Variants in ANTXR1 observed in about 807,000 individuals in gnomAD.
ANTXR1 encodes ANTXR cell adhesion molecule 1, also known as anthrax toxin receptor 1.
ANTXR1 carries 19 observed loss-of-function variants against 78.1 expected under a neutral mutation model. That is an observed-to-expected ratio of 0.24 (90% CI 0.17 to 0.36). ANTXR1 has a LOEUF of 0.36. Ranked by LOEUF, ANTXR1 falls within the 10% of genes least tolerant of loss-of-function variation. ANTXR1 has a pLI of 1.00. For synonymous variants in ANTXR1, 273 were observed against 260.5 expected (o/e 1.05, Z -0.46); for missense variants, 518 against 718.6 (o/e 0.72, Z 3.19).
chr2:69,090,551 G>A (rs186170726), intron 8 of ANTXR1: 45 of 423,502 alleles, frequency 1.1e-4, no homozygotes, highest in Non-Finnish European at 1.8e-4. Flanking sequence ...TCCCATTTCC[G>A]CAACCCTATG....
At chr2:69,126,945 T>C (rs1270483933) in intron 12 of ANTXR1, among the ~76,000 whole-genome samples, 1 of 152,206 alleles carries the variant, frequency 6.6e-6, no homozygotes, top group Non-Finnish European at 1.5e-5. Flanking sequence ...GCTGTATTCG[T>C]TTACAACAAA....
chr2:69,093,662 A>C (rs1006471925), intron 9 of ANTXR1, among the ~76,000 whole-genome samples: 2 of 152,250 alleles, frequency 1.3e-5, no homozygotes, highest in African/African-American at 4.8e-5. Flanking sequence ...TAATAAATTT[A>C]AACAAATTAA....
intron 1 of ANTXR1, among the ~76,000 whole-genome samples, chr2:69,028,033 G>T (rs1671402950): frequency 6.6e-6 from 1 of 152,064 alleles, no homozygotes; most frequent in Non-Finnish European, 1.5e-5. Context: ...GCATGTTTAA[G>T]GAATTCTCAT....
At chr2:69,233,493 C>T (rs1207580453) in intron 17 of ANTXR1, among the ~76,000 whole-genome samples, 2 of 151,616 alleles carry the variant, frequency 1.3e-5, no homozygotes, top group African/African-American at 4.8e-5. Context: ...ATCTTGATAT[C>T]AAAAAGATTC....
intron 12 of ANTXR1, among the ~76,000 whole-genome samples, chr2:69,129,063 T>G (rs1672640986): frequency 6.6e-6 from 1 of 152,178 alleles, no homozygotes; most frequent in Admixed American, 6.5e-5. Context: ...ATGGTAAACT[T>G]TGGTGAGCTC....
intron 12 of ANTXR1, among the ~76,000 whole-genome samples, chr2:69,134,033 T>C (rs1390389933): frequency 6.6e-6 from 1 of 152,198 alleles, no homozygotes; most frequent in Non-Finnish European, 1.5e-5. Flanking sequence ...GGTCTCTATA[T>C]GAATTTGTGC....
At chr2:69,115,086 T>C (rs1431962234) in intron 10 of ANTXR1, among the ~76,000 whole-genome samples, 1 of 152,206 alleles carries the variant, frequency 6.6e-6, no homozygotes, top group Non-Finnish European at 1.5e-5. Context: ...TCCTGTGCAT[T>C]GGAGGATGTT....
chr2:69,177,187 C>T (rs1488836074), intron 14 of ANTXR1, among the ~76,000 whole-genome samples: 3 of 152,140 alleles, frequency 2.0e-5, no homozygotes, highest in Non-Finnish European at 1.5e-5. Flanking sequence ...CTGGGGAACC[C>T]GGGAGTTCTT....
intron 1 of ANTXR1, among the ~76,000 whole-genome samples, chr2:69,015,811 A>G (rs973662990): frequency 3.9e-5 from 6 of 152,214 alleles, no homozygotes; most frequent in African/African-American, 1.2e-4. Context: ...TACAATAACT[A>G]TTGCCACATA....
intron 2 of ANTXR1, among the ~76,000 whole-genome samples, chr2:69,041,268 G>A (rs950697255): frequency 6.6e-6 from 1 of 152,202 alleles, no homozygotes; most frequent in Non-Finnish European, 1.5e-5. Context: ...AGGAGGCATT[G>A]TGTAACTCTC....
chr2:69,198,940 CTG>C (rs1674716745), intron 17 of ANTXR1, among the ~76,000 whole-genome samples: 2 of 152,196 alleles, frequency 1.3e-5, no homozygotes, highest in Admixed American at 1.3e-4. Context: ...TGGATTTACT[CTG>C]GGCCATCCCA....
intron 17 of ANTXR1, among the ~76,000 whole-genome samples, chr2:69,235,396 T>C (rs1426982967): frequency 6.6e-6 from 1 of 151,968 alleles, no homozygotes; most frequent in Non-Finnish European, 1.5e-5. Context: ...CGCCTGTAAA[T>C]CCCAGCACTT....
At chr2:69,173,012 G>A (rs757502797) in intron 14 of ANTXR1, among the ~76,000 whole-genome samples, 2 of 152,200 alleles carry the variant, frequency 1.3e-5, no homozygotes, top group Non-Finnish European at 2.9e-5. Context: ...TGTTCTGCAT[G>A]TAATCACCTT....
At chr2:69,016,297 G>A (rs1216669366) in intron 1 of ANTXR1, among the ~76,000 whole-genome samples, 3 of 152,072 alleles carry the variant, frequency 2.0e-5, no homozygotes, top group African/African-American at 4.8e-5. Context: ...CTACCATACC[G>A]GATAGTGCAG....
At chr2:69,141,785 G>T (rs1482798223) in intron 12 of ANTXR1, among the ~76,000 whole-genome samples, 1 of 152,170 alleles carries the variant, frequency 6.6e-6, no homozygotes, top group Non-Finnish European at 1.5e-5. Context: ...GCAATGGGCT[G>T]GTGTATGACA....
At chr2:69,022,701 C>A (rs1024775175) in intron 1 of ANTXR1, among the ~76,000 whole-genome samples, 7 of 152,210 alleles carry the variant, frequency 4.6e-5, no homozygotes, top group Admixed American at 1.3e-4. Flanking sequence ...AGGTCCCTCC[C>A]TCAGTGAGTC....
At chr2:69,050,263 C>T (rs1373379920) in intron 3 of ANTXR1, among the ~76,000 whole-genome samples, 1 of 152,050 alleles carries the variant, frequency 6.6e-6, no homozygotes, top group Non-Finnish European at 1.5e-5. Flanking sequence ...CATGCCAATA[C>T]ACTCCAGCCT....
chr2:69,183,456 G>A (rs1367682406), intron 16 of ANTXR1, among the ~76,000 whole-genome samples: 1 of 151,926 alleles, frequency 6.6e-6, no homozygotes, highest in African/African-American at 2.4e-5. Context: ...AGGCTGGAGT[G>A]CAGTTGTGTG....
chr2:69,222,852 C>G (rs1388854154), intron 17 of ANTXR1, among the ~76,000 whole-genome samples: 1 of 152,206 alleles, frequency 6.6e-6, no homozygotes, highest in East Asian at 1.9e-4. Flanking sequence ...GGCCCAGAAC[C>G]TTCTGTGAGG....
Sources: allele counts gnomAD v4.1 joint callset (sites outside exome capture counted in the v4.1 genomes callset), GRCh38; gene constraint gnomAD v4.1.1; transcripts MANE v1.5; gene names NCBI Gene and HGNC (gene_info 2026-07-23, HGNC 2026-07-21).